DOCK1: variants seen among roughly 807,000 people sequenced by gnomAD.
DOCK1 encodes the protein dedicator of cytokinesis 1, also known as dedicator of cytokinesis protein 1.
In DOCK1, 138 loss-of-function variants were observed where a neutral mutation model predicts 262.7. The observed-to-expected ratio is 0.53, with a 90% confidence interval of 0.46 to 0.61. DOCK1 has a LOEUF of 0.61. Among genes scored for constraint, DOCK1 ranks in the 20% least tolerant of loss-of-function variants. The pLI is 0.00. For synonymous variants in DOCK1, 866 were observed against 867.4 expected, an observed-to-expected ratio of 1.00 and a Z score of 0.03; for missense variants, 1,908 against 2,370.7, an observed-to-expected ratio of 0.80 and a Z score of 4.05.
intron 6 of DOCK1, among the ~76,000 whole-genome samples, chr10:126,992,597 T>A (rs569870787): frequency 6.6e-6 from 1 of 152,182 alleles, no homozygotes; most frequent in African/African-American, 2.4e-5. Flanking sequence ...TTAGGCATTC[T>A]TGCTTTTTTG....
intron 1 of DOCK1, among the ~76,000 whole-genome samples, chr10:126,953,358 GTAT>G (rs1241824999): frequency 2.6e-5 from 4 of 151,120 alleles, no homozygotes; most frequent in East Asian, 2.0e-4. Context: ...GGTTGTGGTA[GTAT>G]TGTTGGTAGT....
intron 25 of DOCK1, among the ~76,000 whole-genome samples, chr10:127,124,753 C>A (rs1410345688): frequency 2.0e-5 from 3 of 152,150 alleles, no homozygotes; most frequent in Admixed American, 2.0e-4. Flanking sequence ...TTGCCACATT[C>A]CAAGATTGGC....
intron 28 of DOCK1, among the ~76,000 whole-genome samples, chr10:127,256,707 T>G (rs1339592142): frequency 6.6e-6 from 1 of 152,200 alleles, no homozygotes; most frequent in Non-Finnish European, 1.5e-5. Flanking sequence ...GAACCCTGCT[T>G]CTTTTCAGTT....
intron 28 of DOCK1, among the ~76,000 whole-genome samples, chr10:127,252,742 C>T (rs2059695738): frequency 6.6e-6 from 1 of 150,950 alleles, no homozygotes; most frequent in Admixed American, 6.6e-5. Context: ...TTCCATTGAT[C>T]TATATCTCTG....
chr10:127,270,132 G>A (rs1473865283), intron 29 of DOCK1, among the ~76,000 whole-genome samples: 1 of 152,162 alleles, frequency 6.6e-6, no homozygotes, highest in Non-Finnish European at 1.5e-5. Context: ...CCTGTGGCAG[G>A]GGTGTCTTCC....
chr10:127,328,119 CAAAAAAA>C (rs11301683), intron 29 of DOCK1, among the ~76,000 whole-genome samples: 48 of 72,538 alleles, frequency 6.6e-4, no homozygotes, highest in Non-Finnish European at 1.3e-3. Context: ...TACAAATGGG[CAAAAAAA>C]AAAAAAAAAA....
chr10:127,352,146 G>T (rs957981445), intron 31 of DOCK1, among the ~76,000 whole-genome samples: 9 of 149,646 alleles, frequency 6.0e-5, no homozygotes, highest in Admixed American at 2.7e-4. Context: ...GAAGCACTGT[G>T]CAGGGAGGCG....
chr10:127,197,445 G>A (rs1395421649), intron 27 of DOCK1, among the ~76,000 whole-genome samples: 1 of 152,204 alleles, frequency 6.6e-6, no homozygotes, highest in African/African-American at 2.4e-5. Flanking sequence ...CCCCTCTGAT[G>A]CCTGTCAGGC....
At chr10:127,338,258 G>A (rs2063285217) in intron 29 of DOCK1, among the ~76,000 whole-genome samples, 1 of 152,158 alleles carries the variant, frequency 6.6e-6, no homozygotes, top group Admixed American at 6.5e-5. Flanking sequence ...GCACTTTCAA[G>A]CGTTATAAAA....
chr10:126,945,457 G>C (rs949496506), intron 1 of DOCK1, among the ~76,000 whole-genome samples: 4 of 145,744 alleles, frequency 2.7e-5, no homozygotes, highest in Admixed American at 6.8e-5. Flanking sequence ...GAAGGGGAAA[G>C]AGAGAGAGAG....
intron 31 of DOCK1, among the ~76,000 whole-genome samples, chr10:127,345,097 G>T (rs1295300562): frequency 6.6e-6 from 1 of 152,188 alleles, no homozygotes; most frequent in African/African-American, 2.4e-5. Context: ...TGTGTAGTAG[G>T]CTGTAGTATC....
At chr10:127,383,276 G>A (rs2065919273) in intron 37 of DOCK1, among the ~76,000 whole-genome samples, 1 of 152,126 alleles carries the variant, frequency 6.6e-6, no homozygotes, top group African/African-American at 2.4e-5. Context: ...GAGGATTTTT[G>A]CTTCCCTAGT....
intron 29 of DOCK1, among the ~76,000 whole-genome samples, chr10:127,299,249 C>T (rs548244790): frequency 1.9e-4 from 29 of 152,282 alleles, no homozygotes; most frequent in Non-Finnish European, 3.2e-4. Flanking sequence ...CAGGCATGCG[C>T]CACCACACCT....
intron 25 of DOCK1, among the ~76,000 whole-genome samples, chr10:127,121,471 G>GTGTGTGTGTGTGTGTGTGTC (rs1554889203): frequency 1.3e-5 from 2 of 152,018 alleles, no homozygotes; most frequent in South Asian, 4.2e-4. Context: ...GTGTGTGTGT[G>GTGTGTGTGTGTGTGTGTGTC]TGTGTCTATC....
At chr10:127,331,561 C>T (rs529698262) in intron 29 of DOCK1, among the ~76,000 whole-genome samples, 2 of 152,118 alleles carry the variant, frequency 1.3e-5, no homozygotes, top group Non-Finnish European at 2.9e-5. Flanking sequence ...GGATTACAGG[C>T]GTGAGCCACG....
chr10:127,307,269 G>A (rs1590367989), intron 29 of DOCK1, among the ~76,000 whole-genome samples: 1 of 152,168 alleles, frequency 6.6e-6, no homozygotes, highest in Non-Finnish European at 1.5e-5. Context: ...CATTGTCCCC[G>A]GCCTGGGCTG....
At chr10:127,211,522 C>A (rs2057974666) in intron 27 of DOCK1, among the ~76,000 whole-genome samples, 1 of 152,182 alleles carries the variant, frequency 6.6e-6, no homozygotes, top group East Asian at 1.9e-4. Context: ...TGCTGTTTCA[C>A]AGAGGAAATA....
chr10:127,294,731 C>A (rs2061450785), intron 29 of DOCK1, among the ~76,000 whole-genome samples: 1 of 151,806 alleles, frequency 6.6e-6, no homozygotes, highest in Non-Finnish European at 1.5e-5. Flanking sequence ...TCACTGCAAC[C>A]TCCGCCTCCC....
intron 35 of DOCK1, 28 bp downstream of exon 35, chr10:127,374,242 C>T: frequency 6.3e-7 from 1 of 1,591,322 alleles, no homozygotes; most frequent in Non-Finnish European, 8.6e-7. Flanking sequence ...CACGTTTTTT[C>T]AGTTTTCACA....
Sources: gnomAD v4.1 joint callset for allele counts (sites outside exome capture counted in the v4.1 genomes callset) on GRCh38, gnomAD v4.1.1 for gene constraint, MANE v1.5 for transcripts, NCBI Gene and HGNC (gene_info 2026-07-23, HGNC 2026-07-21) for gene names.